Variants in TAFA5 observed in about 807,000 individuals in gnomAD.
TAFA5 encodes the protein chemokine-like protein TAFA-5.
A neutral mutation model predicts 15.3 loss-of-function variants in TAFA5; 6 were observed. The ratio of observed to expected loss-of-function variants is 0.39; its 90% CI spans 0.21 to 0.77. TAFA5 has a LOEUF of 0.77. Among genes scored for constraint, TAFA5 ranks in the 30% least tolerant of loss-of-function variants. The pLI, the probability that TAFA5 is intolerant of heterozygous loss-of-function variation, is 0.41. For synonymous variants in TAFA5, 103 were observed against 80.7 expected, an observed-to-expected ratio of 1.28 and a Z score of -1.48; for missense variants, 161 against 193.1, an observed-to-expected ratio of 0.83 and a Z score of 0.98.
intron 1 of TAFA5, among the ~76,000 whole-genome samples, chr22:48,584,402 CAT>C (rs772219065): frequency 2.0e-5 from 3 of 150,018 alleles, no homozygotes; most frequent in East Asian, 2.0e-4. Flanking sequence ...ACACCACACA[CAT>C]AGATACACAT....
chr22:48,505,101 A>T (rs1005647829), intron 1 of TAFA5, among the ~76,000 whole-genome samples: 1 of 152,150 alleles, frequency 6.6e-6, no homozygotes. Flanking sequence ...TGGCCTGTCT[A>T]CCTGCCACTT....
chr22:48,592,601 C>T (rs576440280), intron 1 of TAFA5, among the ~76,000 whole-genome samples: 135 of 152,126 alleles, frequency 8.9e-4, no homozygotes, highest in African/African-American at 3.0e-3. Flanking sequence ...ATCTCTGGGG[C>T]GCACTCCTCT....
At chr22:48,676,253 G>A (rs1927968009) in intron 2 of TAFA5, among the ~76,000 whole-genome samples, 1 of 152,250 alleles carries the variant, frequency 6.6e-6, no homozygotes, top group South Asian at 2.1e-4. Context: ...CTCCCACCTG[G>A]GGTCCAGGTT....
rs570930430 is a variant in TAFA5, at chr22:48,716,571, G to C, written c.390+8727G>C. Among the ~76,000 whole-genome samples, 68 of 152,294 alleles carry C rather than the reference G, an allele frequency of 4.5e-4. 1 individual carries two copies. The South Asian group carries it at 0.014, about 31-fold the overall frequency. On this transcript the variant is annotated intron_variant, in intron 3 of 3. Transcript: ENST00000402357. ...ATTAGGACAAATACCTAATGCATGT[G>C]GGGCTTAAAACCTAGATGACAGGTT...
intron 1 of TAFA5, 117 bp from the exon 2 acceptor site, chr22:48,646,480 C>A (rs1926866507): frequency 1.5e-6 from 2 of 1,299,276 alleles, no homozygotes; most frequent in African/African-American, 1.5e-5. Context: ...GTGAAGCGGT[C>A]TCCCTGCCCT....
At chr22:48,494,649 G>T (rs1928264421) in intron 1 of TAFA5, among the ~76,000 whole-genome samples, 1 of 152,206 alleles carries the variant, frequency 6.6e-6, no homozygotes, top group Non-Finnish European at 1.5e-5. Flanking sequence ...TGCCCCCAGT[G>T]TGGATGGTTT....
Position 48,641,163 on chromosome 22 carries a change from GCCC to G in TAFA5, c.113-5430_113-5428del, listed in dbSNP as rs745544717. Among the ~76,000 whole-genome samples, 1,344 of 147,236 alleles carry G rather than the reference GCCC, an allele frequency of 9.1e-3. 73 individuals carry two copies. The highest frequency in any genetic ancestry group is 0.035 in the East Asian group (173 of 4,954). ...AAGCTGAGACCGTGGGGGCACCGTG[GCCC>G]CCCTGCCAGGGCAGTGGGAACAGTG... On this transcript the variant is annotated intron_variant, in intron 1 of 3. Transcript: ENST00000402357.
chr22:48,650,050 G>T (rs1161374924), intron 2 of TAFA5, among the ~76,000 whole-genome samples: 1 of 152,134 alleles, frequency 6.6e-6, no homozygotes, highest in Non-Finnish European at 1.5e-5. Context: ...TGCACAGTGG[G>T]CATTTTCCAG....
At chr22:48,614,490 C>G (rs894097492) in intron 1 of TAFA5, among the ~76,000 whole-genome samples, 15 of 152,210 alleles carry the variant, frequency 9.9e-5, no homozygotes, top group Admixed American at 7.9e-4. Flanking sequence ...AAAATCCCGC[C>G]TTGTACCAAC....
At chr22:48,716,722 A>G (rs1929412237) in intron 3 of TAFA5, among the ~76,000 whole-genome samples, 1 of 152,248 alleles carries the variant, frequency 6.6e-6, no homozygotes, top group Non-Finnish European at 1.5e-5. Context: ...GGGAAACTGT[A>G]CACATACACA....
chr22:48,540,207 G>C (rs534406108), intron 1 of TAFA5, among the ~76,000 whole-genome samples: 3 of 152,306 alleles, frequency 2.0e-5, no homozygotes, highest in East Asian at 3.9e-4. Flanking sequence ...AGGTCACAAA[G>C]GTGTGTTTGA....
At chr22:48,715,888 A>G (rs1929387899) in intron 3 of TAFA5, among the ~76,000 whole-genome samples, 1 of 152,246 alleles carries the variant, frequency 6.6e-6, no homozygotes, top group Non-Finnish European at 1.5e-5. Flanking sequence ...GAGATTTTAC[A>G]TTTAAGTCTT....
At chr22:48,535,130 C>T (rs1228578472) in intron 1 of TAFA5, among the ~76,000 whole-genome samples, 1 of 152,174 alleles carries the variant, frequency 6.6e-6, no homozygotes, top group Non-Finnish European at 1.5e-5. Context: ...GCAACCCTTA[C>T]CTGGGAACGT....
At chr22:48,506,478 G>A (rs1284127159) in intron 1 of TAFA5, among the ~76,000 whole-genome samples, 1 of 152,226 alleles carries the variant, frequency 6.6e-6, no homozygotes, top group East Asian at 1.9e-4. Context: ...TGTCCAGGGT[G>A]TAGGGCTCTT....
chr22:48,664,294 G>A (rs1020839258), intron 2 of TAFA5, among the ~76,000 whole-genome samples: 7 of 152,214 alleles, frequency 4.6e-5, no homozygotes, highest in African/African-American at 1.4e-4. Flanking sequence ...TGCCTCTGAT[G>A]CCTGAATGAT....
intron 1 of TAFA5, among the ~76,000 whole-genome samples, chr22:48,633,546 C>CTCTCTCTG (rs1555894472): frequency 6.6e-6 from 1 of 150,502 alleles, no homozygotes; most frequent in Non-Finnish European, 1.5e-5. Flanking sequence ...CTCCCTCTCT[C>CTCTCTCTG]TCTCTCTCTC....
chr22:48,747,001 C>G (rs1163429028), intron 3 of TAFA5, among the ~76,000 whole-genome samples: 1 of 152,210 alleles, frequency 6.6e-6, no homozygotes, highest in African/African-American at 2.4e-5. Flanking sequence ...AGAGTGGGCT[C>G]AACGCCCTGG....
At chr22:48,652,572 G>A (rs952934622) in intron 2 of TAFA5, among the ~76,000 whole-genome samples, 14 of 152,266 alleles carry the variant, frequency 9.2e-5, no homozygotes, top group Admixed American at 3.3e-4. Flanking sequence ...GCCACCCAGC[G>A]CCATCCAGGA....
At chr22:48,621,900 G>A (rs531871735) in intron 1 of TAFA5, among the ~76,000 whole-genome samples, 58 of 152,258 alleles carry the variant, frequency 3.8e-4, no homozygotes, top group African/African-American at 1.2e-3. Flanking sequence ...AGCCTGGCAC[G>A]GTTTGTGCCT....
Sources: allele counts gnomAD v4.1 joint callset (sites outside exome capture counted in the v4.1 genomes callset), GRCh38; gene constraint gnomAD v4.1.1; transcripts MANE v1.5; gene names NCBI Gene and HGNC (gene_info 2026-07-23, HGNC 2026-07-21).